The following C11orf65 variants were observed in gnomAD, a reference collection of about 807,000 sequenced individuals.
The protein encoded by C11orf65 is protein MFI.
Under a neutral mutation model 35.3 loss-of-function variants are expected in C11orf65, and 38 were observed. The observed-to-expected ratio is 1.08, with a 90% confidence interval of 0.83 to 1.41. C11orf65 has a LOEUF of 1.41. Ranked by LOEUF, C11orf65 falls within the 40% of genes most tolerant of loss-of-function variation. The pLI is 0.00. For missense variants in C11orf65, 370 were observed against 367.1 expected (o/e 1.01, Z -0.06); for synonymous variants, 105 against 114.4 (o/e 0.92, Z 0.53).
chr11:108,411,785 CTTT>C (rs1216473634), intron 3 of C11orf65, among the ~76,000 whole-genome samples: 1 of 150,120 alleles, frequency 6.7e-6, no homozygotes, highest in Admixed American at 6.6e-5. Context: ...TTTTCTTTTT[CTTT>C]TTTCTTTTTT....
rs375369962 is a variant in C11orf65 at position 108,449,007 on chromosome 11, C to G, written c.81+12472G>C. ...CACCAATAACAGACAAACAGAGAGC[C>G]AAATCATGAGTGAACTCCCATTCAC... is the stretch of plus-strand genomic sequence containing the variant. On this transcript the variant is annotated intron_variant, in intron 2 of 8. Coordinates refer to ENST00000393084, the MANE Select transcript of C11orf65 (RefSeq NM_152587.5). 3.9e-5 allele frequency among the ~76,000 whole-genome samples: 6 copies of G among 152,036 alleles called. No homozygotes were observed. The East Asian group carries it at 9.6e-4, about 24-fold the overall frequency.
intron 2 of C11orf65, chr11:108,340,295 A>G (rs2087383812): frequency 6.6e-6 from 1 of 152,136 alleles, no homozygotes; most frequent in African/African-American, 2.4e-5. Flanking sequence ...CTTTCCACCA[A>G]CTTCCTTCCA....
intron 6 of C11orf65, among the ~76,000 whole-genome samples, chr11:108,394,566 G>A: frequency 6.6e-6 from 1 of 152,188 alleles, no homozygotes; most frequent in East Asian, 1.9e-4. Flanking sequence ...AATGAGCTGA[G>A]TAACTAGAGA....
chr11:108,417,303 G>A (rs943288761), intron 3 of C11orf65, among the ~76,000 whole-genome samples: 3 of 152,164 alleles, frequency 2.0e-5, no homozygotes, highest in Non-Finnish European at 4.4e-5. Flanking sequence ...AGCACTTTGG[G>A]AGGCCGAGGC....
intron 3 of C11orf65, among the ~76,000 whole-genome samples, chr11:108,416,875 A>T (rs2092740754): frequency 6.6e-6 from 1 of 152,180 alleles, no homozygotes. Flanking sequence ...TTACCATAAG[A>T]TCCATCAATA....
chr11:108,452,578 A>G (rs1457564670), intron 2 of C11orf65, among the ~76,000 whole-genome samples: 1 of 152,174 alleles, frequency 6.6e-6, no homozygotes, highest in Non-Finnish European at 1.5e-5. Context: ...CAACCATTGT[A>G]GAAGACAGTG....
intron 2 of C11orf65, among the ~76,000 whole-genome samples, chr11:108,460,093 A>T (rs1348857197): frequency 6.6e-6 from 1 of 152,180 alleles, no homozygotes; most frequent in Non-Finnish European, 1.5e-5. Flanking sequence ...ACATAGTGAG[A>T]TCCCTGTATC....
At chr11:108,373,280 T>C (rs2091621025) in intron 2 of C11orf65, among the ~76,000 whole-genome samples, 1 of 152,174 alleles carries the variant, frequency 6.6e-6, no homozygotes, top group Non-Finnish European at 1.5e-5. Flanking sequence ...CAGAAAAAGC[T>C]TGTGAGAAAA....
rs1060501668 is a variant in C11orf65 at position 108,326,151 on chromosome 11, G to A, written c.641-17080C>T. On this transcript the variant is annotated intron_variant, in intron 6 of 6. Coordinates refer to the C11orf65 transcript ENST00000525729. Reference sequence around the variant, plus strand: ...GCTGGAAGAAGCACAAGTATTCTGGGCAAAAAAGGAGCAGAGTCTTGCCCT... The same window carrying A: ...GCTGGAAGAAGCACAAGTATTCTGGACAAAAAAGGAGCAGAGTCTTGCCCT... The A allele has an allele frequency of 1.2e-6, 2 of 1,613,996 alleles. No homozygotes were observed. Among genetic ancestry groups the A allele is most frequent in the Admixed American group, 3.3e-5 (2 of 60,018 alleles).
intron 6 of C11orf65, chr11:108,309,174 G>T: frequency 1.7e-6 from 1 of 599,110 alleles, no homozygotes; most frequent in Non-Finnish European, 2.9e-6. Flanking sequence ...ACAGTATGTT[G>T]GGCAAAAACA....
At chr11:108,348,983 G>A (rs879455041) in intron 2 of C11orf65, among the ~76,000 whole-genome samples, 7 of 151,990 alleles carry the variant, frequency 4.6e-5, no homozygotes, top group Admixed American at 2.6e-4. Context: ...ATGTAATGAC[G>A]GAGATCCAGA....
At position 108,332,746 on chromosome 11, in the gene C11orf65, T is replaced by C. The variant is rs1472109562; in HGVS notation, c.300-1179A>G. 1.2e-6 allele frequency: 2 copies of C among 1,609,924 alleles called. No individual in the cohort carries two copies. The highest frequency in any genetic ancestry group is 2.7e-5 in the African/African-American group (2 of 74,878). Reference sequence around the variant, plus strand: ...GGGTAGTTCCTTATGTAATGTTTTTTGTTTTTTATTAATAGGATCGAACAG... The same window carrying C: ...GGGTAGTTCCTTATGTAATGTTTTTCGTTTTTTATTAATAGGATCGAACAG... On this transcript the variant is annotated intron_variant, in intron 3 of 3. Coordinates refer to the C11orf65 transcript ENST00000524755.
At chr11:108,365,545 A>G in intron 2 of C11orf65, 1 of 1,600,312 alleles carries the variant, frequency 6.2e-7, no homozygotes, top group Non-Finnish European at 8.5e-7. Context: ...TTCAGCCTTT[A>G]GAAATTATAT....
At chr11:108,448,913 G>C (rs1282200064) in intron 2 of C11orf65, among the ~76,000 whole-genome samples, 2 of 152,184 alleles carry the variant, frequency 1.3e-5, no homozygotes, top group Non-Finnish European at 2.9e-5. Context: ...ATCTCCTTAA[G>C]CTGATAAGCA....
chr11:108,325,121 C>T (rs971910901), intron 6 of C11orf65, among the ~76,000 whole-genome samples: 2 of 151,984 alleles, frequency 1.3e-5, no homozygotes, highest in East Asian at 1.9e-4. Context: ...GAGCTCTGAC[C>T]GCATAGCATT....
At chr11:108,343,945 A>G (rs1057230466) in intron 2 of C11orf65, among the ~76,000 whole-genome samples, 4 of 152,202 alleles carry the variant, frequency 2.6e-5, no homozygotes, top group Non-Finnish European at 5.9e-5. Context: ...TCTGTCTACC[A>G]GGTACTGTGC....
At chr11:108,440,755 A>T (rs1402978188) in intron 2 of C11orf65, among the ~76,000 whole-genome samples, 1 of 152,174 alleles carries the variant, frequency 6.6e-6, no homozygotes, top group Non-Finnish European at 1.5e-5. Flanking sequence ...CTAGACTAAG[A>T]GGTTCCAGAA....
chr11:108,439,004 TA>T (rs1053307457), intron 2 of C11orf65, among the ~76,000 whole-genome samples: 73 of 144,442 alleles, frequency 5.1e-4, no homozygotes, highest in Admixed American at 7.6e-4. Context: ...AGACTCCATC[TA>T]AAAAAAAAAA....
chr11:108,403,409 G>GTTTTTTTTTTTTTTTTTTTT (rs71047691), intron 6 of C11orf65, among the ~76,000 whole-genome samples: 19 of 67,296 alleles, frequency 2.8e-4, no homozygotes, highest in East Asian at 6.5e-4. Context: ...TGTTTGAGAG[G>GTTTTTTTTTTTTTTTTTTTT]TTTTTTTTTT....
Sources: allele counts gnomAD v4.1 joint callset (sites outside exome capture counted in the v4.1 genomes callset), GRCh38; gene constraint gnomAD v4.1.1; transcripts MANE v1.5; gene names NCBI Gene and HGNC (gene_info 2026-07-23, HGNC 2026-07-21).